The following THADA variants were observed in gnomAD, a reference collection of about 807,000 sequenced individuals.
The protein encoded by THADA is THADA armadillo repeat containing, also known as tRNA (32-2'-O)-methyltransferase regulator THADA.
Under a neutral mutation model 219.8 loss-of-function variants are expected in THADA, and 213 were observed. The observed-to-expected ratio is 0.97, with a 90% confidence interval of 0.87 to 1.09. The LOEUF (loss-of-function observed/expected upper bound fraction) is 1.09. THADA is among the 50% of genes least tolerant of loss of function. The pLI, the probability that THADA is intolerant of heterozygous loss-of-function variation, is 0.00. For missense variants in THADA, 2,956 were observed against 2,311.3 expected (o/e 1.28, Z -5.72); for synonymous variants, 1,018 against 828.9 (o/e 1.23, Z -3.92).
chr2:43,536,298 T>C (rs1694595153), intron 21 of THADA, among the ~76,000 whole-genome samples: 1 of 152,240 alleles, frequency 6.6e-6, no homozygotes, highest in African/African-American at 2.4e-5. Context: ...TCTGTTCCAC[T>C]GGTCTATGTG....
chr2:43,267,013 C>T (rs1285159492), intron 36 of THADA, among the ~76,000 whole-genome samples: 1 of 152,132 alleles, frequency 6.6e-6, no homozygotes, highest in South Asian at 2.1e-4. Context: ...AATTAAAAAG[C>T]TATCTTTCTA....
At chr2:43,456,042 C>A (rs952001803) in intron 26 of THADA, among the ~76,000 whole-genome samples, 39 of 152,092 alleles carry the variant, frequency 2.6e-4, no homozygotes, top group African/African-American at 8.9e-4. Flanking sequence ...TTTAACCTTT[C>A]CCAACAGAGA....
At chr2:43,236,088 C>T (rs182083887) in intron 36 of THADA, among the ~76,000 whole-genome samples, 1 of 152,308 alleles carries the variant, frequency 6.6e-6, no homozygotes, top group African/African-American at 2.4e-5. Context: ...GGATTACAGG[C>T]GTGAGCCACC....
At chr2:43,474,908 G>A (rs888508147) in intron 26 of THADA, among the ~76,000 whole-genome samples, 3 of 152,072 alleles carry the variant, frequency 2.0e-5, no homozygotes, top group South Asian at 2.1e-4. Flanking sequence ...AAGCCTGAGC[G>A]GTCTGCCCTG....
At chr2:43,461,517 A>ATG (rs1454259043) in intron 26 of THADA, among the ~76,000 whole-genome samples, 2 of 152,150 alleles carry the variant, frequency 1.3e-5, no homozygotes, top group Non-Finnish European at 1.5e-5. Context: ...AGATTTCCTT[A>ATG]TGTACCTGGA....
intron 28 of THADA, among the ~76,000 whole-genome samples, chr2:43,425,932 T>G (rs776095725): frequency 6.6e-6 from 1 of 152,154 alleles, no homozygotes; most frequent in Admixed American, 6.5e-5. Flanking sequence ...CAAAATAACC[T>G]TGTATTTTGG....
At chr2:43,501,306 CCAAAAAAAAAAAAAA>C (rs1688935365) in intron 24 of THADA, among the ~76,000 whole-genome samples, 1 of 12,280 alleles carries the variant, frequency 8.1e-5, no homozygotes, top group Admixed American at 1.3e-3. Context: ...AACTCCAACT[CCAAAAAAAAAAAAAA>C]AAAAAAAAAA....
intron 34 of THADA, among the ~76,000 whole-genome samples, chr2:43,288,076 T>G (rs1295614776): frequency 6.6e-6 from 1 of 152,206 alleles, no homozygotes; most frequent in African/African-American, 2.4e-5. Flanking sequence ...TTTGGACTGT[T>G]TCTATCTGAT....
chr2:43,467,465 T>C (rs1255917227), intron 26 of THADA, among the ~76,000 whole-genome samples: 3 of 152,312 alleles, frequency 2.0e-5, no homozygotes, highest in East Asian at 1.9e-4. Context: ...AAGGTTGGTA[T>C]ACTGATGCTA....
intron 35 of THADA, among the ~76,000 whole-genome samples, chr2:43,280,917 A>C (rs935820169): frequency 6.6e-6 from 1 of 152,262 alleles, no homozygotes; most frequent in Non-Finnish European, 1.5e-5. Flanking sequence ...CCAACAGGAA[A>C]GATGAGAGTG....
intron 29 of THADA, among the ~76,000 whole-genome samples, chr2:43,372,941 T>C (rs547929174): frequency 6.6e-5 from 10 of 152,198 alleles, no homozygotes; most frequent in African/African-American, 2.4e-4. Context: ...TGGCCTCAAG[T>C]GATCTGCCCA....
At position 43,570,714 on chromosome 2, in the gene THADA, A is replaced by G. The variant is rs546501753; in HGVS notation, c.2065-204T>C. Among the ~76,000 whole-genome samples the G allele has an allele frequency of 2.0e-5, 3 of 152,358 alleles. No individual in the cohort carries two copies. In the South Asian group the frequency reaches 6.2e-4, roughly 32 times the overall value. On this transcript the variant is annotated intron_variant, in intron 13 of 37. Transcript: ENST00000405975. Reference sequence around the variant, plus strand: ...TACTGCAAAGCAGAATACTGTCATTAAACCACAATTCTGTTTCCTTTAAGT... The same window carrying G: ...TACTGCAAAGCAGAATACTGTCATTGAACCACAATTCTGTTTCCTTTAAGT...
At chr2:43,569,530 T>A (rs146055110) in intron 14 of THADA, among the ~76,000 whole-genome samples, 2 of 152,216 alleles carry the variant, frequency 1.3e-5, no homozygotes, top group African/African-American at 4.8e-5. Flanking sequence ...ATCTTCGTCA[T>A]TGAGATTTTA....
intron 6 of THADA, 121 bp downstream of exon 6, chr2:43,586,581 C>A: frequency 7.6e-7 from 1 of 1,319,744 alleles, no homozygotes; most frequent in Non-Finnish European, 1.0e-6. Context: ...AAGGAAGGGT[C>A]ATGATGTACC....
intron 22 of THADA, among the ~76,000 whole-genome samples, chr2:43,515,442 G>A (rs1165167078): frequency 9.0e-6 from 1 of 111,204 alleles, no homozygotes; most frequent in Non-Finnish European, 1.8e-5. Context: ...CAGATAAGAT[G>A]AATTCTAACG....
At chr2:43,457,489 C>T (rs995431839) in intron 26 of THADA, among the ~76,000 whole-genome samples, 2 of 152,044 alleles carry the variant, frequency 1.3e-5, no homozygotes, top group Admixed American at 6.6e-5. Context: ...TCCAAAAACA[C>T]CTTCAAATTT....
At chr2:43,256,965 G>A (rs1002519585) in intron 36 of THADA, among the ~76,000 whole-genome samples, 2 of 152,280 alleles carry the variant, frequency 1.3e-5, no homozygotes, top group East Asian at 3.9e-4. Context: ...GAGCCAAATA[G>A]CTCAGGATAG....
At chr2:43,434,075 G>A (rs545981278) in intron 26 of THADA, among the ~76,000 whole-genome samples, 1 of 152,112 alleles carries the variant, frequency 6.6e-6, no homozygotes. Flanking sequence ...GAACAAGGTT[G>A]GAGGACTCAC....
chr2:43,441,123 G>A (rs533865406), intron 26 of THADA, among the ~76,000 whole-genome samples: 13 of 152,194 alleles, frequency 8.5e-5, no homozygotes, highest in South Asian at 2.1e-4. Context: ...CTGATGGTGC[G>A]GACTTTGAAG....
Sources: allele counts gnomAD v4.1 joint callset (sites outside exome capture counted in the v4.1 genomes callset), GRCh38; gene constraint gnomAD v4.1.1; transcripts MANE v1.5; gene names NCBI Gene and HGNC (gene_info 2026-07-23, HGNC 2026-07-21).